JARID2: variants seen among roughly 807,000 people sequenced by gnomAD.
JARID2 encodes jumonji and AT-rich interaction domain containing 2, also known as protein Jumonji.
JARID2 carries 21 observed loss-of-function variants against 125.6 expected under a neutral mutation model. The observed-to-expected ratio is 0.17, with a 90% CI of 0.12 to 0.24. The LOEUF is 0.24. Ranked by LOEUF, JARID2 falls within the 10% of genes least tolerant of loss-of-function variation. JARID2 has a pLI of 1.00. For synonymous variants in JARID2, 736 were observed against 661.6 expected (o/e 1.11, Z -1.73); for missense variants, 1,303 against 1,639.6 (o/e 0.79, Z 3.55).
At chr6:15,278,307 C>T (rs1760612303) in intron 1 of JARID2, among the ~76,000 whole-genome samples, 1 of 149,794 alleles carries the variant, frequency 6.7e-6, no homozygotes, top group African/African-American at 2.5e-5. Flanking sequence ...CTGCAATGAG[C>T]CAGGCACTGT....
intron 8 of JARID2, among the ~76,000 whole-genome samples, chr6:15,501,805 G>A (rs1215998510): frequency 6.6e-6 from 1 of 152,152 alleles, no homozygotes; most frequent in Non-Finnish European, 1.5e-5. Flanking sequence ...GCTTGCGTGT[G>A]CGTGTTGCAT....
chr6:15,248,167 TA>T, intron 1 of JARID2: 1 of 820,242 alleles, frequency 1.2e-6, no homozygotes, highest in Non-Finnish European at 1.5e-6. Context: ...CGGCACGAGT[TA>T]ATGCACCGGG....
chr6:15,292,481 CTCTGGGTCAATGGAAATAGACA>C (rs1184759083), intron 1 of JARID2, among the ~76,000 whole-genome samples: 2 of 152,194 alleles, frequency 1.3e-5, no homozygotes, highest in East Asian at 3.9e-4. Context: ...AATATGGAAT[CTCTGGGTCAATGGAAATAGACA>C]TCTTAAAGTC....
intron 17 of JARID2, among the ~76,000 whole-genome samples, chr6:15,519,086 C>A (rs990539251): frequency 6.6e-6 from 1 of 152,188 alleles, no homozygotes; most frequent in Admixed American, 6.5e-5. Flanking sequence ...AGTGTGAGAG[C>A]ACTGGTCTGG....
intron 1 of JARID2, among the ~76,000 whole-genome samples, chr6:15,317,538 A>C (rs1392554687): frequency 6.6e-6 from 1 of 151,954 alleles, no homozygotes; most frequent in Non-Finnish European, 1.5e-5. Context: ...CTTGAACTGA[A>C]AGTGAGGTTG....
chr6:15,345,866 G>T (rs1763228005), intron 1 of JARID2, among the ~76,000 whole-genome samples: 1 of 152,204 alleles, frequency 6.6e-6, no homozygotes, highest in South Asian at 2.1e-4. Context: ...CACTGATGAA[G>T]CCTTGGGAAG....
At chr6:15,401,780 C>A (rs569193352) in intron 2 of JARID2, among the ~76,000 whole-genome samples, 63 of 152,286 alleles carry the variant, frequency 4.1e-4, no homozygotes, top group Admixed American at 1.4e-3. Flanking sequence ...TAGCAGATTC[C>A]ATGGCCACAT....
At chr6:15,490,543 C>G (rs778642039) in intron 6 of JARID2, among the ~76,000 whole-genome samples, 1 of 152,240 alleles carries the variant, frequency 6.6e-6, no homozygotes, top group African/African-American at 2.4e-5. Context: ...TGAGAGGGCT[C>G]TGGCCCCGGC....
intron 1 of JARID2, among the ~76,000 whole-genome samples, chr6:15,299,313 T>C (rs1032944061): frequency 3.3e-5 from 5 of 152,284 alleles, no homozygotes; most frequent in South Asian, 2.1e-4. Context: ...GTAATCTTCA[T>C]TGGGTTCTCA....
intron 1 of JARID2, among the ~76,000 whole-genome samples, chr6:15,292,025 A>C (rs751216786): frequency 1.3e-5 from 2 of 151,866 alleles, no homozygotes; most frequent in Admixed American, 6.6e-5. Context: ...GGTCTGTGTG[A>C]TTAGGCTTTT....
chr6:15,321,477 G>A (rs1017705677), intron 1 of JARID2, among the ~76,000 whole-genome samples: 2 of 152,126 alleles, frequency 1.3e-5, no homozygotes, highest in Admixed American at 6.6e-5. Flanking sequence ...TTGAAACATG[G>A]TTTGTAGCTT....
At chr6:15,259,290 A>G (rs1354108958) in intron 1 of JARID2, among the ~76,000 whole-genome samples, 1 of 152,232 alleles carries the variant, frequency 6.6e-6, no homozygotes, top group East Asian at 1.9e-4. Flanking sequence ...TGCCCAGAGC[A>G]CTAAAGCTCT....
intron 3 of JARID2, among the ~76,000 whole-genome samples, chr6:15,411,062 T>C (rs1400070102): frequency 6.6e-6 from 1 of 152,258 alleles, no homozygotes; most frequent in South Asian, 2.1e-4. Flanking sequence ...TCATACCTGA[T>C]ATGTTACTTC....
At chr6:15,283,496 T>C (rs1291429550) in intron 1 of JARID2, among the ~76,000 whole-genome samples, 2 of 130,452 alleles carry the variant, frequency 1.5e-5, no homozygotes, top group African/African-American at 3.0e-5. Context: ...ATGCACCAGC[T>C]ACGCCCGGCT....
At chr6:15,346,032 T>A (rs1048553017) in intron 1 of JARID2, among the ~76,000 whole-genome samples, 5 of 152,248 alleles carry the variant, frequency 3.3e-5, no homozygotes, top group African/African-American at 1.2e-4. Context: ...TTAGAAATAA[T>A]GAATTATTAT....
At chr6:15,517,466 C>T (rs542987741) in intron 17 of JARID2, among the ~76,000 whole-genome samples, 198 bp downstream of exon 17, 3 of 152,298 alleles carry the variant, frequency 2.0e-5, no homozygotes, top group Admixed American at 1.3e-4. Context: ...GGTTCCTGCA[C>T]GGGCATTTGG....
intron 1 of JARID2, among the ~76,000 whole-genome samples, chr6:15,360,785 A>G (rs944255511): frequency 5.3e-5 from 8 of 152,180 alleles, no homozygotes; most frequent in Non-Finnish European, 1.0e-4. Flanking sequence ...AATTACAGAC[A>G]TGAGCCACTG....
chr6:15,451,291 G>A (rs1176806070), intron 3 of JARID2, among the ~76,000 whole-genome samples: 11 of 152,220 alleles, frequency 7.2e-5, no homozygotes, highest in Admixed American at 7.2e-4. Flanking sequence ...AGTTAGCATA[G>A]GATTGTAATG....
intron 6 of JARID2, among the ~76,000 whole-genome samples, chr6:15,495,090 G>A (rs1339896024): frequency 6.6e-6 from 1 of 152,222 alleles, no homozygotes; most frequent in Non-Finnish European, 1.5e-5. Flanking sequence ...AAGGTGTTAA[G>A]TGATGGGGCA....
Sources: allele counts gnomAD v4.1 joint callset (sites outside exome capture counted in the v4.1 genomes callset), GRCh38; gene constraint gnomAD v4.1.1; transcripts MANE v1.5; gene names NCBI Gene and HGNC (gene_info 2026-07-23, HGNC 2026-07-21).